The following EML4 variants were observed in gnomAD, a reference collection of about 807,000 sequenced individuals.
The protein encoded by EML4 is echinoderm microtubule-associated protein-like 4.
Under a neutral mutation model 129.0 loss-of-function variants are expected in EML4, and 72 were observed. That is an observed-to-expected ratio of 0.56 (90% CI 0.46 to 0.68). The LOEUF (loss-of-function observed/expected upper bound fraction) is 0.68, where lower values mean the gene tolerates loss of function less well. EML4 is among the 30% of genes least tolerant of loss of function. The pLI is 0.00. For synonymous variants in EML4, 532 were observed against 405.0 expected, an observed-to-expected ratio of 1.31 and a Z score of -3.77; for missense variants, 1,363 against 1,190.6, an observed-to-expected ratio of 1.14 and a Z score of -2.13.
At chr2:42,310,304 TCCCTTC>T (rs1197278620) in intron 17 of EML4, among the ~76,000 whole-genome samples, 1 of 151,386 alleles carries the variant, frequency 6.6e-6, no homozygotes, top group Admixed American at 6.6e-5. Context: ...CATTCCCCTT[TCCCTTC>T]CCCTTTCCCT....
Position 42,261,163 on chromosome 2 carries a change from A to G in EML4, c.381A>G (p.Glu127=), listed in dbSNP as rs1572646826. The change falls in exon 4 of 23, where the codon GAA becomes GAG. Residue 127 remains glutamate (E), a synonymous_variant. Transcript: ENST00000318522. ...KKKEKPQGQR[E]KKEESHSNDQ... The stretch of plus-strand genomic sequence containing the variant: ...AAGAAAAACCACAAGGACAGAGAGA[A>G]AAAAAAGAGGAATCTCATTCTAATG... The G allele has an allele frequency of 6.2e-7, 1 of 1,613,710 alleles. No homozygotes were observed. Among genetic ancestry groups the G allele is most frequent in the Non-Finnish European group, 8.5e-7 (1 of 1,179,808 alleles).
intron 1 of EML4, among the ~76,000 whole-genome samples, chr2:42,243,292 C>A (rs1675160230): frequency 6.6e-6 from 1 of 152,018 alleles, no homozygotes; most frequent in Non-Finnish European, 1.5e-5. Context: ...AGAATAGTGA[C>A]CATAGTCTAA....
At chr2:42,317,865 T>C (rs1201840601) in intron 19 of EML4, among the ~76,000 whole-genome samples, 8 of 152,220 alleles carry the variant, frequency 5.3e-5, no homozygotes, top group Non-Finnish European at 1.0e-4. Context: ...TTAACTCCTA[T>C]GATTCTGCCC....
At chr2:42,220,327 T>C (rs984352955) in intron 1 of EML4, among the ~76,000 whole-genome samples, 1 of 151,874 alleles carries the variant, frequency 6.6e-6, no homozygotes, top group African/African-American at 2.4e-5. Context: ...ACAGCATGTG[T>C]ACCCACTTCA....
intron 8 of EML4, among the ~76,000 whole-genome samples, chr2:42,283,236 C>A (rs1379958435): frequency 6.6e-6 from 1 of 152,210 alleles, no homozygotes; most frequent in African/African-American, 2.4e-5. Context: ...CAGTCCTTCT[C>A]TTCTCTGGTC....
intron 11 of EML4, chr2:42,290,011 C>G (rs1402752387): frequency 6.6e-6 from 1 of 151,982 alleles, no homozygotes; most frequent in Non-Finnish European, 1.5e-5. Flanking sequence ...TGCTTGAACC[C>G]TGGAGGCAGA....
chr2:42,314,083 G>A (rs905992885), intron 17 of EML4, among the ~76,000 whole-genome samples: 1 of 151,054 alleles, frequency 6.6e-6, no homozygotes, highest in African/African-American at 2.4e-5. Flanking sequence ...AACTTGCCGG[G>A]CATGGTGGCT....
intron 1 of EML4, among the ~76,000 whole-genome samples, chr2:42,191,798 G>T (rs537641221): frequency 6.6e-6 from 1 of 151,982 alleles, no homozygotes. Context: ...GGTGGCTCAC[G>T]CCTATAATCC....
At chr2:42,172,093 A>G (rs982061952) in intron 1 of EML4, among the ~76,000 whole-genome samples, 2 of 152,076 alleles carry the variant, frequency 1.3e-5, no homozygotes, top group Non-Finnish European at 2.9e-5. Flanking sequence ...TCAAAACGTG[A>G]AGTTCTTCTG....
chr2:42,313,649 C>G (rs1442083979), intron 17 of EML4, among the ~76,000 whole-genome samples: 1 of 152,132 alleles, frequency 6.6e-6, no homozygotes, highest in African/African-American at 2.4e-5. Flanking sequence ...ACTTATTGGC[C>G]GGATACAGTG....
chr2:42,169,949 C>G (rs886478310), intron 1 of EML4: 7 of 322,218 alleles, frequency 2.2e-5, no homozygotes, highest in Non-Finnish European at 4.0e-5. Context: ...TCCCCGTACA[C>G]TCACGGCTCC....
chr2:42,305,806 AT>A (rs1451595707), intron 17 of EML4, among the ~76,000 whole-genome samples: 2 of 152,192 alleles, frequency 1.3e-5, no homozygotes. Context: ...TTATGTAAAT[AT>A]TTTTGTTTCT....
chr2:42,267,923 C>T (rs1338371192), intron 6 of EML4, among the ~76,000 whole-genome samples: 1 of 152,078 alleles, frequency 6.6e-6, no homozygotes, highest in Non-Finnish European at 1.5e-5. Context: ...TTAGAGGTAG[C>T]AGTTAGGTTG....
In EML4 at chr2:42,329,956, A is replaced by G; in HGVS notation, c.2695A>G (p.Thr899Ala). The G allele has an allele frequency of 6.2e-7, 1 of 1,613,810 alleles. No homozygotes were observed. The highest frequency in any genetic ancestry group is 8.5e-7 in the Non-Finnish European group (1 of 1,179,972). Residue 899 changes from threonine (T) to alanine (A), a missense_variant, in exon 23 of 23, where the codon ACA becomes GCA. By Grantham distance (58) the Thr-to-Ala change is moderately conservative. Transcript: ENST00000318522. The part of the protein sequence containing the change: ...TESVIQSNTP[T>A]PPPSQPLNET... ...AAGTGTCATCCAATCTAATACTCCCACACCGCCTCCTTCTCAGCCCTTAAA... is the reference window on the plus strand; with the variant it reads ...AAGTGTCATCCAATCTAATACTCCCGCACCGCCTCCTTCTCAGCCCTTAAA...
chr2:42,190,551 A>G (rs1671525816), intron 1 of EML4, among the ~76,000 whole-genome samples: 1 of 152,190 alleles, frequency 6.6e-6, no homozygotes, highest in South Asian at 2.1e-4. Context: ...TATACAGTGA[A>G]TGATGGGAAA....
intron 1 of EML4, among the ~76,000 whole-genome samples, chr2:42,191,526 A>G (rs182139696): frequency 6.6e-6 from 1 of 152,190 alleles, no homozygotes; most frequent in Admixed American, 6.5e-5. Flanking sequence ...TTTAGAACCA[A>G]TGTTTAGAAA....
chr2:42,190,851 T>C lies in EML4; in HGVS notation c.25+21215T>C, dbSNP rs78256798. Among the ~76,000 whole-genome samples the C allele has an allele frequency of 1.6e-3, 245 of 152,342 alleles. 2 individuals carry two copies. The highest frequency in any genetic ancestry group is 1.9e-3 in the Non-Finnish European group (126 of 68,036). ...TATTTATGGACACTGAAATTTGAAC[T>C]TAAGGTAACTTTCACATATTGCAAA... is the stretch of plus-strand genomic sequence containing the variant. On this transcript the variant is annotated intron_variant, in intron 1 of 22. Coordinates refer to ENST00000318522, the MANE Select transcript of EML4 (RefSeq NM_019063.5).
chr2:42,298,684 AT>A (rs1219596769), intron 13 of EML4, among the ~76,000 whole-genome samples: 1 of 151,856 alleles, frequency 6.6e-6, no homozygotes, highest in African/African-American at 2.4e-5. Context: ...CTGATGAAGC[AT>A]TTTTTTCTTC....
At chr2:42,277,758 G>C (rs920281149) in intron 6 of EML4, among the ~76,000 whole-genome samples, 1 of 151,994 alleles carries the variant, frequency 6.6e-6, no homozygotes, top group African/African-American at 2.4e-5. Context: ...TAGTAGAGAC[G>C]GGGTTTCACC....
Sources: gnomAD v4.1 joint callset for allele counts (sites outside exome capture counted in the v4.1 genomes callset) on GRCh38, gnomAD v4.1.1 for gene constraint, MANE v1.5 for transcripts, NCBI Gene and HGNC (gene_info 2026-07-23, HGNC 2026-07-21) for gene names.